Variants in CHST8 observed in about 807,000 individuals in gnomAD.
The protein encoded by CHST8 is carbohydrate sulfotransferase 8.
In CHST8, 10 loss-of-function variants were observed where a neutral mutation model predicts 15.0. The observed-to-expected ratio is 0.67, with a 90% CI of 0.41 to 1.13. The LOEUF (loss-of-function observed/expected upper bound fraction) is 1.13. Ranked by LOEUF, CHST8 falls within the 50% of genes most tolerant of loss-of-function variation. CHST8 has a pLI of 0.00. For synonymous variants in CHST8, 259 were observed against 256.6 expected, an observed-to-expected ratio of 1.01 and a Z score of -0.09; for missense variants, 634 against 608.2, an observed-to-expected ratio of 1.04 and a Z score of -0.45.
At chr19:33,672,469 G>A (rs1972750686) in intron 2 of CHST8, among the ~76,000 whole-genome samples, 1 of 152,196 alleles carries the variant, frequency 6.6e-6, no homozygotes, top group Admixed American at 6.5e-5. Context: ...AAAGTGCTGG[G>A]ATTACAGGTG....
intron 3 of CHST8, among the ~76,000 whole-genome samples, chr19:33,704,070 C>T (rs1471576676): frequency 2.0e-5 from 3 of 152,136 alleles, no homozygotes; most frequent in African/African-American, 7.2e-5. Flanking sequence ...CATTTTTCAG[C>T]CCTCCCCAAA....
chr19:33,757,004 G>T (rs1192949782), intron 3 of CHST8, among the ~76,000 whole-genome samples: 1 of 152,192 alleles, frequency 6.6e-6, no homozygotes, highest in Non-Finnish European at 1.5e-5. Context: ...GGCTGTCTGT[G>T]CTCCCATGAT....
chr19:33,661,501 C>T (rs909212971), intron 1 of CHST8, among the ~76,000 whole-genome samples: 1 of 152,208 alleles, frequency 6.6e-6, no homozygotes, highest in African/African-American at 2.4e-5. Flanking sequence ...CACGGAGCCC[C>T]TCTGTCTTTC....
chr19:33,760,670 A>G (rs1974704673), intron 3 of CHST8, among the ~76,000 whole-genome samples: 1 of 152,038 alleles, frequency 6.6e-6, no homozygotes, highest in Admixed American at 6.5e-5. Context: ...TCATCCCAGG[A>G]GCCTTGCTTT....
rs192349990 is a variant in CHST8, at chr19:33,697,526, C to T, written c.130+8135C>T. On this transcript the variant is annotated intron_variant, in intron 3 of 4. Coordinates refer to ENST00000650847, the MANE Select transcript of CHST8 (RefSeq NM_001127895.2). The stretch of plus-strand genomic sequence containing the variant: ...AGATTATAGTCTGAGCCACTGTGCC[C>T]GGCCTCATGTAATACTTTAAAACCC... 9.2e-5 allele frequency among the ~76,000 whole-genome samples: 14 copies of T among 152,266 alleles called. 1 individual carries two copies. In the East Asian group the frequency reaches 1.4e-3, roughly 15 times the overall value.
chr19:33,721,595 T>TGGATGGAG (rs1973790843), intron 3 of CHST8, among the ~76,000 whole-genome samples: 1 of 122,778 alleles, frequency 8.1e-6, no homozygotes, highest in African/African-American at 3.2e-5. Flanking sequence ...GGCATATGGA[T>TGGATGGAG]GGATGGATGG....
At chr19:33,716,888 G>A (rs1973674786) in intron 3 of CHST8, among the ~76,000 whole-genome samples, 1 of 152,146 alleles carries the variant, frequency 6.6e-6, no homozygotes, top group Non-Finnish European at 1.5e-5. Context: ...TTTCTTCTGG[G>A]ACCTTTCTCC....
chr19:33,750,343 C>T (rs564560094), intron 3 of CHST8, among the ~76,000 whole-genome samples: 7 of 152,294 alleles, frequency 4.6e-5, no homozygotes, highest in East Asian at 1.9e-4. Flanking sequence ...CATAGGCACA[C>T]GCTGGGACAG....
chr19:33,640,260 G>C (rs1972265329), intron 1 of CHST8, among the ~76,000 whole-genome samples: 2 of 152,220 alleles, frequency 1.3e-5, no homozygotes, highest in Non-Finnish European at 2.9e-5. Flanking sequence ...ACAAGGAACT[G>C]GGCCAGAGTG....
chr19:33,623,833 A>G (rs73029345), intron 1 of CHST8, among the ~76,000 whole-genome samples: 22,239 of 152,218 alleles, frequency 0.15, 1,929 homozygotes, highest in Middle Eastern at 0.2. Context: ...GGACACCCCA[A>G]GCACAGAAGG....
At chr19:33,763,845 C>T (rs1251150252) in intron 3 of CHST8, among the ~76,000 whole-genome samples, 1 of 152,228 alleles carries the variant, frequency 6.6e-6, no homozygotes, top group Non-Finnish European at 1.5e-5. Context: ...CAGTGGAGAC[C>T]TCACAAGGGC....
At chr19:33,648,992 C>A (rs1972396619) in intron 1 of CHST8, among the ~76,000 whole-genome samples, 2 of 150,078 alleles carry the variant, frequency 1.3e-5, no homozygotes, top group South Asian at 2.1e-4. Context: ...CAAGCTCCAC[C>A]CCCCAGGTTC....
chr19:33,658,099 G>A (rs1972536744), intron 1 of CHST8, among the ~76,000 whole-genome samples: 1 of 152,156 alleles, frequency 6.6e-6, no homozygotes, highest in African/African-American at 2.4e-5. Flanking sequence ...CAGCACTTTG[G>A]GAGGCTAAGA....
At chr19:33,725,797 C>A (rs892935586) in intron 3 of CHST8, among the ~76,000 whole-genome samples, 5 of 152,218 alleles carry the variant, frequency 3.3e-5, no homozygotes, top group African/African-American at 1.2e-4. Flanking sequence ...CTTCTATATT[C>A]TCTCATCTGG....
intron 1 of CHST8, among the ~76,000 whole-genome samples, chr19:33,628,978 T>C (rs530475704): frequency 6.6e-6 from 1 of 152,296 alleles, no homozygotes; most frequent in Admixed American, 6.5e-5. Flanking sequence ...GTGGCCCCAC[T>C]GTGCTCTGAG....
intron 3 of CHST8, among the ~76,000 whole-genome samples, chr19:33,766,903 G>C (rs548550240): frequency 1.3e-5 from 2 of 152,230 alleles, no homozygotes; most frequent in African/African-American, 4.8e-5. Context: ...CCACACAAAC[G>C]GCCCCATCAG....
At chr19:33,709,915 C>G (rs1390900685) in intron 3 of CHST8, among the ~76,000 whole-genome samples, 1 of 152,118 alleles carries the variant, frequency 6.6e-6, no homozygotes, top group African/African-American at 2.4e-5. Flanking sequence ...CTCAAGAGAA[C>G]CTCCTGCCTC....
intron 1 of CHST8, among the ~76,000 whole-genome samples, chr19:33,631,131 A>G (rs1242213203): frequency 3.3e-5 from 5 of 152,226 alleles, no homozygotes; most frequent in Non-Finnish European, 7.3e-5. Context: ...GGTTGGGCTC[A>G]GCATGTGATT....
At chr19:33,764,837 AC>A (rs1372656950) in intron 3 of CHST8, among the ~76,000 whole-genome samples, 2 of 150,638 alleles carry the variant, frequency 1.3e-5, no homozygotes, top group East Asian at 3.9e-4. Flanking sequence ...TTTATCCTTC[AC>A]CCCCTTCCCA....
Sources: gnomAD v4.1 joint callset for allele counts (sites outside exome capture counted in the v4.1 genomes callset) on GRCh38, gnomAD v4.1.1 for gene constraint, MANE v1.5 for transcripts, NCBI Gene and HGNC (gene_info 2026-07-23, HGNC 2026-07-21) for gene names.